Variants in PMEPA1 observed in about 807,000 individuals in gnomAD.
PMEPA1 encodes the protein prostate transmembrane protein, androgen induced 1.
PMEPA1 carries 11 observed loss-of-function variants against 23.0 expected under a neutral mutation model. The observed-to-expected ratio is 0.48, with a 90% CI of 0.30 to 0.79. The LOEUF is 0.79. Ranked by LOEUF, PMEPA1 falls within the 30% of genes least tolerant of loss-of-function variation. The probability of loss-of-function intolerance (pLI) is 0.06; values close to 1 mark genes in which losing one functional copy is unlikely to be tolerated. For synonymous variants in PMEPA1, 204 were observed against 166.4 expected (o/e 1.23, Z -1.74); for missense variants, 377 against 390.9 (o/e 0.96, Z 0.30).
intron 1 of PMEPA1, among the ~76,000 whole-genome samples, chr20:57,689,929 G>A (rs180699469): frequency 2.4e-4 from 37 of 152,368 alleles, no homozygotes; most frequent in Non-Finnish European, 4.1e-4. Flanking sequence ...GGGTCCCAGG[G>A]GCCAGTGGCT....
rs75633062 is a variant in PMEPA1 at position 57,668,233 on chromosome 20, C to T, written c.110-8536G>A. On this transcript the variant is annotated intron_variant, in intron 1 of 3. Transcript: ENST00000341744. Reference sequence around the variant, plus strand: ...GGACTGGGGCCCACATCAGGGCCTGCGCTGGCTCCCTGCCCTGCTGTTCTT... The same window carrying T: ...GGACTGGGGCCCACATCAGGGCCTGTGCTGGCTCCCTGCCCTGCTGTTCTT... Among the ~76,000 whole-genome samples the T allele has an allele frequency of 8.9e-3, 1,353 of 152,262 alleles. 15 individuals are homozygous for T. The highest frequency in any genetic ancestry group is 0.022 in the African/African-American group (904 of 41,558).
chr20:57,663,897 C>T (rs935782045), intron 1 of PMEPA1, among the ~76,000 whole-genome samples: 4 of 152,216 alleles, frequency 2.6e-5, no homozygotes, highest in Middle Eastern at 3.2e-3. Flanking sequence ...CCCACCGGCG[C>T]GGATGCTGTG....
intron 2 of PMEPA1, among the ~76,000 whole-genome samples, chr20:57,658,854 G>T (rs1600776447): frequency 6.6e-6 from 1 of 152,332 alleles, no homozygotes; most frequent in East Asian, 1.9e-4. Flanking sequence ...AGGGCTGCAG[G>T]ACTGCAGGCA....
intron 2 of PMEPA1, among the ~76,000 whole-genome samples, chr20:57,658,948 G>A (rs1047283397): frequency 6.6e-6 from 1 of 152,212 alleles, no homozygotes; most frequent in Non-Finnish European, 1.5e-5. Flanking sequence ...CCTCTGTGTG[G>A]ACCCAGAATG....
chr20:57,659,805 A>G, intron 1 of PMEPA1, 108 bp from the exon 2 acceptor site: 1 of 1,029,782 alleles, frequency 9.7e-7, no homozygotes, highest in Non-Finnish European at 1.4e-6. Context: ...CGAGAGTGCA[A>G]CCCAGACTCA....
intron 1 of PMEPA1, among the ~76,000 whole-genome samples, chr20:57,661,449 C>T (rs1036561983): frequency 6.6e-6 from 1 of 152,216 alleles, no homozygotes; most frequent in Non-Finnish European, 1.5e-5. Context: ...AGGAATGTGA[C>T]TCCCCAGACC....
intron 1 of PMEPA1, among the ~76,000 whole-genome samples, chr20:57,688,650 C>T (rs938157713): frequency 1.3e-5 from 2 of 152,232 alleles, no homozygotes; most frequent in Non-Finnish European, 2.9e-5. Flanking sequence ...CACATTCATT[C>T]TCCCTAAGGA....
intron 1 of PMEPA1, among the ~76,000 whole-genome samples, chr20:57,684,389 C>T (rs934175041): frequency 6.6e-6 from 1 of 152,130 alleles, no homozygotes; most frequent in Non-Finnish European, 1.5e-5. Flanking sequence ...GAACATGTAG[C>T]GGGCCTGGAA....
chr20:57,703,585 G>A (rs1037841190), intron 1 of PMEPA1, among the ~76,000 whole-genome samples: 4 of 152,192 alleles, frequency 2.6e-5, no homozygotes, highest in Admixed American at 2.6e-4. Flanking sequence ...GGCATGCTGG[G>A]GTCGTTGCCA....
At chr20:57,667,720 G>A (rs1307991322) in intron 1 of PMEPA1, among the ~76,000 whole-genome samples, 1 of 152,218 alleles carries the variant, frequency 6.6e-6, no homozygotes, top group Non-Finnish European at 1.5e-5. Flanking sequence ...AGGCCTGCCT[G>A]GATGAGACCC....
chr20:57,698,773 G>T (rs1311825293), intron 1 of PMEPA1, among the ~76,000 whole-genome samples: 1 of 152,102 alleles, frequency 6.6e-6, no homozygotes, highest in Non-Finnish European at 1.5e-5. Flanking sequence ...AGCTGTTCCG[G>T]ACCTTGCAGA....
chr20:57,677,345 G>A (rs1257601697), intron 1 of PMEPA1, among the ~76,000 whole-genome samples: 2 of 152,188 alleles, frequency 1.3e-5, no homozygotes, highest in Non-Finnish European at 2.9e-5. Context: ...GAAGCACTGA[G>A]TACGTGTTGG....
At chr20:57,659,965 A>G (rs1482493103) in intron 1 of PMEPA1, among the ~76,000 whole-genome samples, 1 of 152,152 alleles carries the variant, frequency 6.6e-6, no homozygotes, top group East Asian at 1.9e-4. Flanking sequence ...CCCCCTCTGT[A>G]GGGACTGACC....
chr20:57,675,130 G>C (rs1038805043), intron 1 of PMEPA1, among the ~76,000 whole-genome samples: 1 of 151,786 alleles, frequency 6.6e-6, no homozygotes, highest in African/African-American at 2.4e-5. Flanking sequence ...TCTGAGGCTC[G>C]GAGAGGTGCA....
intron 1 of PMEPA1, among the ~76,000 whole-genome samples, chr20:57,695,265 CA>C (rs1172923610): frequency 6.6e-6 from 1 of 152,266 alleles, no homozygotes; most frequent in African/African-American, 2.4e-5. Context: ...GGGCTGGCAA[CA>C]GCGGCTGATG....
At position 57,653,018 on chromosome 20, in the gene PMEPA1, C is replaced by A. The variant is rs888877606; in HGVS notation, c.318+15G>T. On this transcript the variant is annotated intron_variant, in intron 3 of 3. Transcript: ENST00000341744. Reference sequence around the variant, plus strand: ...GGGATGGGGGTGTTGGAGGGGAGGCCGAGGGAGGTCTCACCTCTGGGATTC... The same window carrying A: ...GGGATGGGGGTGTTGGAGGGGAGGCAGAGGGAGGTCTCACCTCTGGGATTC... 6.3e-7 allele frequency: 1 copy of A among 1,589,540 alleles called. No homozygotes were observed. The highest frequency in any genetic ancestry group is 1.8e-5 in the Admixed American group (1 of 56,588).
chr20:57,672,292 C>T (rs113729038), intron 1 of PMEPA1, among the ~76,000 whole-genome samples: 214 of 152,396 alleles, frequency 1.4e-3, no homozygotes, highest in African/African-American at 4.8e-3. Context: ...GCACCTCGTG[C>T]TCCTTGGTAA....
intron 1 of PMEPA1, chr20:57,691,867 C>T (rs984676356): frequency 2.0e-5 from 3 of 152,344 alleles, no homozygotes; most frequent in African/African-American, 7.2e-5. Flanking sequence ...CAACTACCTC[C>T]ATCTGCAGAG....
chr20:57,661,451 C>T (rs1600630407), intron 1 of PMEPA1, among the ~76,000 whole-genome samples: 2 of 152,172 alleles, frequency 1.3e-5, no homozygotes, highest in East Asian at 3.9e-4. Context: ...GAATGTGACT[C>T]CCCAGACCCC....
Sources: gnomAD v4.1 joint callset for allele counts (sites outside exome capture counted in the v4.1 genomes callset) on GRCh38, gnomAD v4.1.1 for gene constraint, MANE v1.5 for transcripts, NCBI Gene and HGNC (gene_info 2026-07-23, HGNC 2026-07-21) for gene names.